Variants in SETBP1 observed in about 807,000 individuals in gnomAD.
SETBP1 encodes SET-binding protein.
SETBP1 carries 9 observed loss-of-function variants against 101.0 expected under a neutral mutation model. That is an observed-to-expected ratio of 0.09 (90% CI 0.05 to 0.16). The LOEUF is 0.16. SETBP1 is among the 10% of genes least tolerant of loss of function. The pLI is 1.00. For missense variants in SETBP1, 1,858 were observed against 2,033.8 expected (o/e 0.91, Z 1.66); for synonymous variants, 818 against 788.5 (o/e 1.04, Z -0.63).
At chr18:44,851,624 C>T (rs949896083) in intron 2 of SETBP1, among the ~76,000 whole-genome samples, 2 of 152,180 alleles carry the variant, frequency 1.3e-5, no homozygotes, top group Non-Finnish European at 1.5e-5. Context: ...TCCCCTCTCT[C>T]TTTCCTTCCT....
chr18:44,922,997 G>A (rs1286855522), intron 3 of SETBP1, among the ~76,000 whole-genome samples: 1 of 152,176 alleles, frequency 6.6e-6, no homozygotes, highest in Non-Finnish European at 1.5e-5. Flanking sequence ...CTCAAACCAT[G>A]GATTAACCTA....
intron 2 of SETBP1, among the ~76,000 whole-genome samples, chr18:44,829,079 A>G (rs2072301817): frequency 6.6e-6 from 1 of 152,248 alleles, no homozygotes; most frequent in African/African-American, 2.4e-5. Flanking sequence ...AGTGAAAAAC[A>G]GTGAAAGTTT....
chr18:44,983,436 G>C (rs1365413463), intron 4 of SETBP1, among the ~76,000 whole-genome samples: 1 of 152,098 alleles, frequency 6.6e-6, no homozygotes, highest in African/African-American at 2.4e-5. Flanking sequence ...ATACAAATCA[G>C]GGACATGAGG....
At chr18:44,724,156 CT>C (rs2069659220) in intron 2 of SETBP1, among the ~76,000 whole-genome samples, 1 of 152,138 alleles carries the variant, frequency 6.6e-6, no homozygotes, top group African/African-American at 2.4e-5. Flanking sequence ...CCCAGTGGTT[CT>C]AATGTTGGAT....
rs945296678 is a variant in SETBP1 at position 44,751,795 on chromosome 18, G to A, written c.486+49963G>A. The stretch of plus-strand genomic sequence containing the variant: ...TATAACAATATACCATAGACTGAGT[G>A]GCTTAAAAAATAGACATAAATTTTT... On this transcript the variant is annotated intron_variant, in intron 2 of 5. Transcript: ENST00000649279. Among the ~76,000 whole-genome samples the A allele has an allele frequency of 6.6e-4, 100 of 152,154 alleles. 1 individual carries two copies. The highest frequency in any genetic ancestry group is 1.8e-4 in the Non-Finnish European group (12 of 68,028).
chr18:44,919,891 A>G (rs1375862449), intron 3 of SETBP1, among the ~76,000 whole-genome samples: 2 of 152,150 alleles, frequency 1.3e-5, no homozygotes, highest in Non-Finnish European at 2.9e-5. Flanking sequence ...AAACACACAC[A>G]CATATAGATA....
chr18:44,759,798 A>G (rs2070598880), intron 2 of SETBP1, among the ~76,000 whole-genome samples: 2 of 152,342 alleles, frequency 1.3e-5, no homozygotes, highest in Admixed American at 1.3e-4. Flanking sequence ...GCTTTAAACT[A>G]GATTTTAGTT....
intron 2 of SETBP1, among the ~76,000 whole-genome samples, chr18:44,756,438 C>T (rs2070497525): frequency 6.6e-6 from 1 of 152,164 alleles, no homozygotes; most frequent in South Asian, 2.1e-4. Flanking sequence ...CTCACACAGC[C>T]TTCTGGGATC....
chr18:44,828,171 T>G (rs2072276491), intron 2 of SETBP1, among the ~76,000 whole-genome samples: 1 of 152,132 alleles, frequency 6.6e-6, no homozygotes, highest in African/African-American at 2.4e-5. Flanking sequence ...AGTCACTGGT[T>G]TAAAAAAAAA....
chr18:44,864,861 A>C (rs2069095176), intron 2 of SETBP1, among the ~76,000 whole-genome samples: 2 of 151,878 alleles, frequency 1.3e-5, no homozygotes, highest in African/African-American at 4.8e-5. Flanking sequence ...TCAACCCTAG[A>C]CACAACAAGG....
intron 3 of SETBP1, among the ~76,000 whole-genome samples, chr18:44,876,280 G>C (rs962520251): frequency 7.2e-5 from 11 of 152,116 alleles, no homozygotes; most frequent in African/African-American, 2.7e-4. Context: ...GTTTAGGAAA[G>C]AGCCATCCCA....
chr18:44,920,785 T>G (rs1055264367), intron 3 of SETBP1, among the ~76,000 whole-genome samples: 4 of 152,196 alleles, frequency 2.6e-5, no homozygotes, highest in Non-Finnish European at 5.9e-5. Context: ...CCACTCAGGC[T>G]TCCCCACAAT....
At chr18:44,832,258 C>A (rs1263240993) in intron 2 of SETBP1, among the ~76,000 whole-genome samples, 1 of 152,172 alleles carries the variant, frequency 6.6e-6, no homozygotes, top group Non-Finnish European at 1.5e-5. Flanking sequence ...ACCAGTTATA[C>A]CCTGGTCAAA....
chr18:44,826,523 G>C (rs1227851850), intron 2 of SETBP1, among the ~76,000 whole-genome samples: 1 of 152,172 alleles, frequency 6.6e-6, no homozygotes. Flanking sequence ...TGGAGTCCCA[G>C]GGTGAGAGAG....
intron 4 of SETBP1, among the ~76,000 whole-genome samples, chr18:44,958,976 T>C (rs986729468): frequency 3.9e-5 from 6 of 152,150 alleles, no homozygotes; most frequent in Non-Finnish European, 7.4e-5. Flanking sequence ...CCCATAACTT[T>C]GTAGCAACGT....
At chr18:44,911,782 A>AGG (rs1162468800) in intron 3 of SETBP1, among the ~76,000 whole-genome samples, 16 of 152,336 alleles carry the variant, frequency 1.1e-4, no homozygotes, top group African/African-American at 3.4e-4. Flanking sequence ...CCTAATAGAC[A>AGG]TTCAACCCAT....
At chr18:44,903,193 C>T (rs2070093784) in intron 3 of SETBP1, among the ~76,000 whole-genome samples, 1 of 152,084 alleles carries the variant, frequency 6.6e-6, no homozygotes, top group South Asian at 2.1e-4. Flanking sequence ...ACACTAAACA[C>T]ACCCACCTGT....
rs193008832 is a variant in SETBP1 at position 44,934,195 on chromosome 18, G to A, written c.541-15686G>A. Among the ~76,000 whole-genome samples the A allele has an allele frequency of 1.9e-3, 280 of 150,688 alleles. 1 individual carries two copies. The highest frequency in any genetic ancestry group is 4.9e-3 in the African/African-American group (202 of 40,956). ...ACTGAGTCTTGCTCTGTTGCCCAGG[G>A]TGGAGTGCAGTGGTGCAATCTCAGC... is the stretch of plus-strand genomic sequence containing the variant. On this transcript the variant is annotated intron_variant, in intron 3 of 5. Transcript: ENST00000649279.
intron 2 of SETBP1, among the ~76,000 whole-genome samples, chr18:44,867,139 A>T (rs1416914091): frequency 6.6e-6 from 1 of 152,272 alleles, no homozygotes; most frequent in Admixed American, 6.5e-5. Flanking sequence ...ATCAGTAAAG[A>T]GGAGATACTT....
Sources: allele counts gnomAD v4.1 joint callset (sites outside exome capture counted in the v4.1 genomes callset), GRCh38; gene constraint gnomAD v4.1.1; transcripts MANE v1.5; gene names NCBI Gene and HGNC (gene_info 2026-07-23, HGNC 2026-07-21).